The following TIAM2 variants were observed in gnomAD, a reference collection of about 807,000 sequenced individuals.
TIAM2 encodes the protein TIAM Rac1 associated GEF 2.
TIAM2 carries 80 observed loss-of-function variants against 152.9 expected under a neutral mutation model. That is an observed-to-expected ratio of 0.52 (90% confidence interval 0.44 to 0.63). The LOEUF is 0.63. Among genes scored for constraint, TIAM2 ranks in the 30% least tolerant of loss-of-function variants. The probability of loss-of-function intolerance (pLI) is 0.00; values close to 1 mark genes in which losing one functional copy is unlikely to be tolerated. For synonymous variants in TIAM2, 804 were observed against 838.0 expected (o/e 0.96, Z 0.70); for missense variants, 1,965 against 2,120.1 (o/e 0.93, Z 1.44).
rs988792 is a variant in TIAM2 at position 155,160,401 on chromosome 6, C to T, written c.2029-4014C>T. ...CCCACCCACATTAGGGAAGGCAATC[C>T]GCATTACTCAGTCTACCCATTTAAA... is the stretch of plus-strand genomic sequence containing the variant. On this transcript the variant is annotated intron_variant, in intron 7 of 26. Transcript: ENST00000682666. Among the ~76,000 whole-genome samples the T allele has an allele frequency of 1.2e-4, 18 of 152,046 alleles. No individual in the cohort carries two copies. The South Asian group carries it at 2.7e-3, about 23-fold the overall frequency.
At chr6:155,057,658 GC>G (rs1345303706) in intron 1 of TIAM2, among the ~76,000 whole-genome samples, 3 of 143,078 alleles carry the variant, frequency 2.1e-5, no homozygotes, top group South Asian at 2.2e-4. Context: ...TGATTCTTCT[GC>G]CCCAGCCTCC....
At chr6:155,203,483 AT>A (rs1373101857) in intron 14 of TIAM2, among the ~76,000 whole-genome samples, 1 of 152,140 alleles carries the variant, frequency 6.6e-6, no homozygotes, top group East Asian at 1.9e-4. Flanking sequence ...AAAGTACGTT[AT>A]TTTTTCTGGA....
intron 1 of TIAM2, among the ~76,000 whole-genome samples, chr6:155,015,662 C>T (rs886514181): frequency 5.3e-5 from 8 of 151,978 alleles, no homozygotes; most frequent in South Asian, 2.1e-4. Flanking sequence ...TTAGGCCGGG[C>T]GCGGTGGCTC....
intron 1 of TIAM2, among the ~76,000 whole-genome samples, chr6:155,060,849 C>T (rs12111239): frequency 0.042 from 6,436 of 152,282 alleles, 451 homozygotes; most frequent in African/African-American, 0.15. Context: ...GAGCCGAGAT[C>T]GTGCCATTGC....
Position 155,179,143 on chromosome 6 carries a change from G to C in TIAM2, c.2628G>C (p.Gln876His). The change falls in exon 11 of 27, where the codon CAG (glutamine) becomes CAC (histidine). Residue 876 changes from glutamine (Q) to histidine (H), a missense_variant and splice_region_variant. Physicochemically the swap from Gln to His is conservative, Grantham distance 24. Transcript: ENST00000682666. ...CACCATATGAATATATGCAACAACAGGTAAGTGTGCACTAGCTTTAGGAAG... is the reference window on the plus strand; with the variant it reads ...CACCATATGAATATATGCAACAACACGTAAGTGTGCACTAGCTTTAGGAAG... ...IPAPYEYMQQ[Q>H]VYDEIEVFPL... 1 of 1,610,414 alleles carries C rather than the reference G, an allele frequency of 6.2e-7. No individual in the cohort carries two copies. The highest frequency in any genetic ancestry group is 2.2e-5 in the East Asian group (1 of 44,858).
At chr6:155,047,466 C>G (rs535490390) in intron 1 of TIAM2, among the ~76,000 whole-genome samples, 13 of 152,252 alleles carry the variant, frequency 8.5e-5, no homozygotes, top group African/African-American at 2.4e-4. Context: ...GTGTGTCAGC[C>G]ACTGTGCTTG....
intron 1 of TIAM2, among the ~76,000 whole-genome samples, chr6:154,998,790 G>A (rs971406138): frequency 6.6e-6 from 1 of 152,176 alleles, no homozygotes; most frequent in Non-Finnish European, 1.5e-5. Context: ...CTGAGCTTGT[G>A]TAGAGGCATA....
At chr6:155,172,254 G>A (rs1780603838) in intron 9 of TIAM2, among the ~76,000 whole-genome samples, 1 of 152,132 alleles carries the variant, frequency 6.6e-6, no homozygotes, top group African/African-American at 2.4e-5. Flanking sequence ...GGAGCTGACT[G>A]CAAGGTGATC....
chr6:155,202,447 C>G (rs933844328), intron 14 of TIAM2, among the ~76,000 whole-genome samples: 2 of 152,172 alleles, frequency 1.3e-5, no homozygotes, highest in South Asian at 4.1e-4. Context: ...AAAGCAAGGT[C>G]TCACTCTGTC....
chr6:155,194,304 G>A (rs1037296255), intron 14 of TIAM2, among the ~76,000 whole-genome samples: 1 of 152,210 alleles, frequency 6.6e-6, no homozygotes, highest in Non-Finnish European at 1.5e-5. Context: ...GCAGGGCCAG[G>A]TGACAAAGGG....
chr6:155,055,619 C>T (rs1010313630), intron 1 of TIAM2, among the ~76,000 whole-genome samples: 2 of 151,898 alleles, frequency 1.3e-5, no homozygotes, highest in Non-Finnish European at 2.9e-5. Context: ...CAAAAATTGG[C>T]GAGTGTTAAT....
At chr6:155,113,735 T>C (rs11969458) in intron 2 of TIAM2, among the ~76,000 whole-genome samples, 6,469 of 151,828 alleles carry the variant, frequency 0.043, 456 homozygotes, top group African/African-American at 0.15. Context: ...AAAAAATTTA[T>C]TTTCGTTGTT....
At chr6:155,180,284 C>T (rs1325805842) in intron 12 of TIAM2, among the ~76,000 whole-genome samples, 2 of 152,092 alleles carry the variant, frequency 1.3e-5, no homozygotes, top group African/African-American at 4.8e-5. Context: ...GAAACTCCGT[C>T]TCAAAACAAA....
At chr6:155,132,489 A>G (rs1225078756) in intron 4 of TIAM2, among the ~76,000 whole-genome samples, 1 of 151,980 alleles carries the variant, frequency 6.6e-6, no homozygotes, top group Admixed American at 6.6e-5. Flanking sequence ...GGGCCTCTTC[A>G]TATCCCTGAA....
intron 2 of TIAM2, among the ~76,000 whole-genome samples, chr6:155,104,050 C>A (rs202028910): frequency 0.028 from 2,457 of 87,590 alleles, 238 homozygotes; most frequent in East Asian, 0.03. Flanking sequence ...ACCCCCCCCC[C>A]CACACCCCCA....
intron 15 of TIAM2, among the ~76,000 whole-genome samples, chr6:155,217,517 C>A (rs557061071): frequency 3.3e-5 from 5 of 152,104 alleles, no homozygotes; most frequent in Admixed American, 6.6e-5. Context: ...GAGTATAGCA[C>A]ATATTAATAC....
intron 15 of TIAM2, among the ~76,000 whole-genome samples, chr6:155,235,839 A>C (rs911985730): frequency 1.3e-5 from 2 of 152,246 alleles, no homozygotes; most frequent in Non-Finnish European, 1.5e-5. Flanking sequence ...CTAAAATGGC[A>C]AGATACTTTA....
chr6:155,124,072 T>C lies in TIAM2; in HGVS notation c.-117-3418T>C, dbSNP rs572583837. ...GCTGCGTCTGTCACCCAGGCTGGAG[T>C]CCAGTGGCTTGATCTCAGCTCACTG... On this transcript the variant is annotated intron_variant, in intron 2 of 26. Coordinates refer to ENST00000682666, the MANE Select transcript of TIAM2 (RefSeq NM_012454.4). 4.6e-5 allele frequency among the ~76,000 whole-genome samples: 7 copies of C among 152,280 alleles called. No individual in the cohort carries two copies. In the South Asian group the frequency reaches 1.5e-3, roughly 32 times the overall value.
chr6:155,128,717 G>A (rs973262356), intron 3 of TIAM2, among the ~76,000 whole-genome samples: 3 of 150,034 alleles, frequency 2.0e-5, no homozygotes, highest in African/African-American at 7.4e-5. Context: ...AAAAAACCCC[G>A]AGCTTGAGAG....
Sources: allele counts gnomAD v4.1 joint callset (sites outside exome capture counted in the v4.1 genomes callset), GRCh38; gene constraint gnomAD v4.1.1; transcripts MANE v1.5; gene names NCBI Gene and HGNC (gene_info 2026-07-23, HGNC 2026-07-21).